METTL15: variants seen among roughly 807,000 people sequenced by gnomAD.
The protein encoded by METTL15 is methyltransferase 15, mitochondrial 12S rRNA N4-cytidine.
A neutral mutation model predicts 38.3 loss-of-function variants in METTL15; 34 were observed. That is an observed-to-expected ratio of 0.89 (90% CI 0.68 to 1.18). METTL15 has a LOEUF of 1.18. Among genes scored for constraint, METTL15 ranks in the 50% most tolerant of loss-of-function variants. METTL15 has a pLI of 0.00. For synonymous variants in METTL15, 162 were observed against 170.9 expected, an observed-to-expected ratio of 0.95 and a Z score of 0.41; for missense variants, 438 against 498.4, an observed-to-expected ratio of 0.88 and a Z score of 1.15.
In METTL15 at chr11:28,222,000, A is replaced by G. The variant is rs193258861; in HGVS notation, c.407+10802A>G. On this transcript the variant is annotated intron_variant, in intron 4 of 6. Transcript: ENST00000407364. ...CTTCCAGTTAGGCTACTGAGGGGTCAGGGACCCACTTGAGGAGGCAGTCTG... is the reference window on the plus strand; with the variant it reads ...CTTCCAGTTAGGCTACTGAGGGGTCGGGGACCCACTTGAGGAGGCAGTCTG... Among the ~76,000 whole-genome samples the G allele has an allele frequency of 3.2e-3, 487 of 152,340 alleles. 2 individuals carry two copies. Among genetic ancestry groups the G allele is most frequent in the Admixed American group, 7.6e-3 (117 of 15,310 alleles).
chr11:28,165,101 T>C (rs527483146), intron 3 of METTL15, among the ~76,000 whole-genome samples: 1 of 152,242 alleles, frequency 6.6e-6, no homozygotes, highest in African/African-American at 2.4e-5. Flanking sequence ...TGGTAGATGT[T>C]TAGGTTGATT....
At chr11:28,370,954 C>T (rs926548144) in intron 5 of METTL15, among the ~76,000 whole-genome samples, 3 of 151,938 alleles carry the variant, frequency 2.0e-5, no homozygotes, top group South Asian at 2.1e-4. Context: ...GGTTATTAAT[C>T]CTTTGTCAAT....
At chr11:28,210,698 A>G (rs1311292751) in intron 3 of METTL15, among the ~76,000 whole-genome samples, 1 of 151,996 alleles carries the variant, frequency 6.6e-6, no homozygotes, top group African/African-American at 2.4e-5. Context: ...ATTGTAAGCC[A>G]TCTCTAAATG....
At chr11:28,319,179 C>T (rs1456430948) in intron 6 of METTL15, among the ~76,000 whole-genome samples, 1 of 152,070 alleles carries the variant, frequency 6.6e-6, no homozygotes, top group East Asian at 1.9e-4. Context: ...CAGTAAAAGC[C>T]TATTCAGGTT....
chr11:28,311,406 C>T (rs1163293785), intron 6 of METTL15, among the ~76,000 whole-genome samples: 3 of 152,150 alleles, frequency 2.0e-5, no homozygotes, highest in Non-Finnish European at 4.4e-5. Flanking sequence ...TCCTTCTTGC[C>T]ATCCTCCTGA....
At chr11:28,174,394 A>AT (rs1057464875) in intron 3 of METTL15, among the ~76,000 whole-genome samples, 1 of 152,056 alleles carries the variant, frequency 6.6e-6, no homozygotes, top group African/African-American at 2.4e-5. Flanking sequence ...GCATTGTTTT[A>AT]TTTTTACCTT....
intron 6 of METTL15, among the ~76,000 whole-genome samples, chr11:28,310,905 CTGCTGCTGCTGGTGG>C (rs1479854402): frequency 3.0e-4 from 26 of 86,136 alleles, no homozygotes; most frequent in South Asian, 9.9e-4. Flanking sequence ...GCTGCTGCTG[CTGCTGCTGCTGGTGG>C]TGGTGGTGGT....
chr11:28,228,080 G>C (rs894106041), intron 4 of METTL15, among the ~76,000 whole-genome samples: 6 of 151,912 alleles, frequency 3.9e-5, no homozygotes, highest in Non-Finnish European at 7.4e-5. Flanking sequence ...TATAAGGAAG[G>C]AGACAAGGAA....
At chr11:28,125,435 T>A (rs1852434609) in intron 3 of METTL15, 1 of 152,080 alleles carries the variant, frequency 6.6e-6, no homozygotes, top group South Asian at 2.1e-4. Flanking sequence ...TGATATTATA[T>A]CTGAGTTCTA....
intron 4 of METTL15, among the ~76,000 whole-genome samples, chr11:28,275,215 C>T (rs1213817654): frequency 6.6e-6 from 1 of 151,274 alleles, no homozygotes; most frequent in Non-Finnish European, 1.5e-5. Context: ...TGATAAGCCA[C>T]TAGTTCGACT....
At chr11:28,319,848 A>T (rs1358923849) in intron 6 of METTL15, among the ~76,000 whole-genome samples, 1 of 152,212 alleles carries the variant, frequency 6.6e-6, no homozygotes, top group African/African-American at 2.4e-5. Flanking sequence ...AAAGGAGTGT[A>T]GCATGTTGCA....
chr11:28,231,846 A>G (rs1853697661), intron 4 of METTL15, among the ~76,000 whole-genome samples: 2 of 151,826 alleles, frequency 1.3e-5, no homozygotes, highest in African/African-American at 4.8e-5. Context: ...GCTTTTCATC[A>G]TTCTCTTGGT....
chr11:28,194,178 C>CTTTCTT (rs1373046857), intron 3 of METTL15, among the ~76,000 whole-genome samples: 35 of 12,172 alleles, frequency 2.9e-3, no homozygotes, highest in East Asian at 4.6e-3. Context: ...CTTTCTTTTT[C>CTTTCTT]TCTCTCTCTC....
intron 3 of METTL15, among the ~76,000 whole-genome samples, chr11:28,174,032 G>A (rs1238478688): frequency 2.6e-5 from 4 of 152,146 alleles, no homozygotes; most frequent in African/African-American, 9.7e-5. Context: ...CCATTGTAAA[G>A]TTACTCATTT....
chr11:28,468,357 T>C (rs1851275009), intron 6 of METTL15, among the ~76,000 whole-genome samples: 1 of 152,016 alleles, frequency 6.6e-6, no homozygotes, highest in African/African-American at 2.4e-5. Context: ...TGAGGAGAAA[T>C]GAAGAGATGG....
chr11:28,134,353 C>T (rs182547439), intron 3 of METTL15, among the ~76,000 whole-genome samples: 20 of 152,194 alleles, frequency 1.3e-4, no homozygotes, highest in East Asian at 3.9e-4. Context: ...TTGTATAAAG[C>T]GCAAATTCCT....
intron 6 of METTL15, among the ~76,000 whole-genome samples, chr11:28,300,500 A>G (rs190439125): frequency 1.8e-4 from 28 of 152,322 alleles, no homozygotes; most frequent in African/African-American, 6.5e-4. Context: ...AAATAACTAC[A>G]GTTCCAGTAC....
At chr11:28,295,732 G>A (rs376520939) in intron 5 of METTL15, among the ~76,000 whole-genome samples, 3 of 152,022 alleles carry the variant, frequency 2.0e-5, no homozygotes, top group African/African-American at 7.2e-5. Flanking sequence ...TCTCCTAGAG[G>A]CACTAGGCTT....
At chr11:28,482,046 T>C (rs979100552) in intron 6 of METTL15, among the ~76,000 whole-genome samples, 6 of 152,150 alleles carry the variant, frequency 3.9e-5, no homozygotes, top group African/African-American at 1.4e-4. Flanking sequence ...TAGGCACCCC[T>C]GCTGCAAGCC....
Sources: gnomAD v4.1 joint callset for allele counts (sites outside exome capture counted in the v4.1 genomes callset) on GRCh38, gnomAD v4.1.1 for gene constraint, MANE v1.5 for transcripts, NCBI Gene and HGNC (gene_info 2026-07-23, HGNC 2026-07-21) for gene names.